Variants in KCNH3 observed in about 807,000 individuals in gnomAD.
KCNH3 encodes potassium voltage-gated channel subfamily H member 3, also known as voltage-gated inwardly rectifying potassium channel KCNH3.
Under a neutral mutation model 95.6 loss-of-function variants are expected in KCNH3, and 36 were observed. That is an observed-to-expected ratio of 0.38 (90% confidence interval 0.29 to 0.50). The LOEUF (loss-of-function observed/expected upper bound fraction) is 0.50. Ranked by LOEUF, KCNH3 falls within the 20% of genes least tolerant of loss-of-function variation. KCNH3 has a pLI of 0.95. For missense variants in KCNH3, 1,030 were observed against 1,484.1 expected (o/e 0.69, Z 5.03); for synonymous variants, 620 against 646.3 (o/e 0.96, Z 0.62).
At chr12:49,553,948 G>A (rs1938345820) in intron 10 of KCNH3, among the ~76,000 whole-genome samples, 1 of 152,202 alleles carries the variant, frequency 6.6e-6, no homozygotes, top group East Asian at 1.9e-4. Context: ...ATACTGTGAC[G>A]CTGTAGGTAG....
At position 49,555,790 on chromosome 12, in the gene KCNH3, CCCACGTCGAACA is replaced by C. The variant is rs757827381; in HGVS notation, c.2308_2319del (p.Pro770_Thr773del). 6.2e-7 allele frequency: 1 copy of C among 1,613,718 alleles called. No homozygotes were observed. The highest frequency in any genetic ancestry group is 1.7e-5 in the Admixed American group (1 of 59,992). ...CATCCTCAGCTGCCAAGCTGCTATCCCCACGTCGAACAGCACCCCGGCCTCGTCTAGGTGGCA... is the reference window on the plus strand; with the variant it reads ...CATCCTCAGCTGCCAAGCTGCTATCCGCACCCCGGCCTCGTCTAGGTGGCA... On this transcript the variant is annotated inframe_deletion, in exon 12 of 15. Coordinates refer to ENST00000257981, the MANE Select transcript of KCNH3 (RefSeq NM_012284.3).
intron 9 of KCNH3, 27 bp from the exon 10 acceptor site, chr12:49,550,053 C>T (rs1265470153): frequency 2.6e-6 from 4 of 1,527,694 alleles, no homozygotes; most frequent in East Asian, 2.3e-5. Flanking sequence ...TCCCAACCCC[C>T]CCACCCCCGC....
intron 5 of KCNH3, 46 bp downstream of exon 5, chr12:49,543,564 G>A: frequency 6.4e-7 from 1 of 1,572,644 alleles, no homozygotes; most frequent in Non-Finnish European, 8.6e-7. Flanking sequence ...CTGGCGCCCT[G>A]GGGCTTTGCT....
chr12:49,541,517 G>A, intron 2 of KCNH3, 113 bp from the exon 3 acceptor site: 1 of 1,301,408 alleles, frequency 7.7e-7, no homozygotes, highest in Non-Finnish European at 1.1e-6. Context: ...CTTCCCCCAG[G>A]AAACCGCTAG....
chr12:49,547,518 C>T (rs1938100254), intron 7 of KCNH3, among the ~76,000 whole-genome samples: 1 of 152,242 alleles, frequency 6.6e-6, no homozygotes, highest in Admixed American at 6.5e-5. Context: ...TGGTTCGAGC[C>T]CCCCTCCCTT....
Position 49,557,442 on chromosome 12 carries a change from G to A in KCNH3, c.2741G>A (p.Arg914Lys), listed in dbSNP as rs761142096. 8 of 1,609,052 alleles carry A rather than the reference G, an allele frequency of 5.0e-6. No individual in the cohort carries two copies. In the South Asian group the frequency reaches 7.7e-5, roughly 16 times the overall value. ...QAVQLVLAPH[R>K]EGPCPRASGE... ...GTGCAGCTTGTCCTGGCGCCCCACAGGGAGGGTCCGTGCCCTCGGGCATCG... is the reference window on the plus strand; with the variant it reads ...GTGCAGCTTGTCCTGGCGCCCCACAAGGAGGGTCCGTGCCCTCGGGCATCG... The change falls in exon 15 of 15, where the codon AGG (arginine) becomes AAG (lysine). Residue 914 changes from arginine to lysine, a missense_variant. Coordinates refer to ENST00000257981, the MANE Select transcript of KCNH3 (RefSeq NM_012284.3).
At chr12:49,547,811 C>T (rs1938110857) in intron 7 of KCNH3, among the ~76,000 whole-genome samples, 1 of 152,108 alleles carries the variant, frequency 6.6e-6, no homozygotes, top group Non-Finnish European at 1.5e-5. Context: ...CAAGCCACAG[C>T]CACACATACC....
rs949999334 is a variant in KCNH3, at chr12:49,539,382, C to T, written c.-35C>T. 2 of 1,473,032 alleles carry T rather than the reference C, an allele frequency of 1.4e-6. No homozygotes were observed. Among genetic ancestry groups the T allele is most frequent in the Non-Finnish European group, 1.8e-6 (2 of 1,113,360 alleles). 91.2% of individuals were successfully genotyped at this position (1,473,032 alleles called of 1,614,324 possible). A position where few individuals can be genotyped will look rare whatever the true frequency, so the allele number is the denominator to read the frequency against. ...CCCCCGGCGCGGAGTCCCCGCACCC[C>T]GGAGGGATGGGGCGGGCAGCCGCGG... On this transcript the variant is annotated 5_prime_UTR_variant, in exon 1 of 15. Coordinates refer to ENST00000257981, the MANE Select transcript of KCNH3 (RefSeq NM_012284.3). This position sits in a 1 kb window ranked among gnomAD's most constrained non-coding sequence, Gnocchi z 6.7.
Position 49,550,127 on chromosome 12 carries a change from C to T in KCNH3, c.1716C>T (p.His572=), listed in dbSNP as rs143201162. The change falls in exon 10 of 15, where the codon CAC becomes CAT. Residue 572 remains histidine (H), a synonymous_variant. Transcript: ENST00000257981. ...PDELRADIAM[H]LHKEVLQLPL... is the part of the protein sequence containing the mutation. ...AGCTGCGCGCAGACATCGCCATGCA[C>T]CTGCACAAGGAGGTCCTGCAGCTGC... The T allele has an allele frequency of 1.2e-4, 198 of 1,607,478 alleles. No homozygotes were observed. The highest frequency in any genetic ancestry group is 1.5e-4 in the Non-Finnish European group (179 of 1,178,540).
chr12:49,549,744 CCT>C, intron 9 of KCNH3, 104 bp downstream of exon 9: 2 of 1,091,496 alleles, frequency 1.8e-6, no homozygotes, highest in Admixed American at 4.2e-5. Context: ...AATTTTGGCC[CCT>C]GTGCCTCCCT....
intron 10 of KCNH3, 130 bp from the exon 11 acceptor site, chr12:49,554,207 G>T: frequency 1.4e-6 from 1 of 735,548 alleles, no homozygotes; most frequent in Admixed American, 2.1e-5. Context: ...TCCTCTCTCT[G>T]CTGGCTTCAA....
At chr12:49,542,941 C>A in intron 4 of KCNH3, 102 bp downstream of exon 4, 1 of 1,401,848 alleles carries the variant, frequency 7.1e-7, no homozygotes, top group South Asian at 1.4e-5. Context: ...AGGGGCCACC[C>A]AGGCCTTGCC....
At chr12:49,556,616 G>C (rs1307639667) in intron 13 of KCNH3, 140 bp downstream of exon 13, 1 of 726,520 alleles carries the variant, frequency 1.4e-6, no homozygotes, top group Non-Finnish European at 2.5e-6. Context: ...CTACCCCTTG[G>C]TGTCGTGCGG....
At position 49,555,600 on chromosome 12, in the gene KCNH3, C is replaced by T. The variant is rs1053317581; in HGVS notation, c.2137-20C>T. ...AATAGTGACCATCCATGCCGATTCC[C>T]TGTCCCTCACTATCCCTAGGTGGAC... On this transcript the variant is annotated intron_variant, in intron 11 of 14. Transcript: ENST00000257981. 6 of 1,479,012 alleles carry T rather than the reference C, an allele frequency of 4.1e-6. No homozygotes were observed. Among genetic ancestry groups the T allele is most frequent in the Non-Finnish European group, 5.5e-6 (6 of 1,096,706 alleles). 91.6% of individuals were successfully genotyped at this position (1,479,012 alleles called of 1,614,324 possible).
intron 12 of KCNH3, 184 bp from the exon 13 acceptor site, chr12:49,556,186 C>T: frequency 1.6e-6 from 1 of 611,168 alleles, no homozygotes; most frequent in Non-Finnish European, 2.9e-6. Flanking sequence ...GCTGCTCAAG[C>T]TTGGCCCCCC....
intron 7 of KCNH3, among the ~76,000 whole-genome samples, chr12:49,546,763 G>C (rs758924366): frequency 6.6e-6 from 1 of 152,206 alleles, no homozygotes; most frequent in African/African-American, 2.4e-5. Context: ...TGAAAGATCA[G>C]AGGCCTCCCT....
rs750509815 is a variant in KCNH3 at position 49,543,360 on chromosome 12, C to T, written c.665C>T (p.Ala222Val). 7 of 1,613,360 alleles carry T rather than the reference C, an allele frequency of 4.3e-6. No homozygotes were observed. The East Asian group carries it at 6.7e-5, about 15-fold the overall frequency. The change falls in exon 5 of 15, where the codon GCA (alanine) becomes GTA (valine). Residue 222 changes from alanine to valine, a missense_variant. Physicochemically the swap from Ala to Val is moderately conservative, Grantham distance 64. Transcript: ENST00000257981. ...CCCTTCATCCTGTTGCACTGTGGGG[C>T]ACTGAGAGCCACCTGGGATGGCTTC... ...KSPFILLHCG[A>V]LRATWDGFIL...
rs1555197030 is a variant in KCNH3, at chr12:49,549,020, G to GGGCT, written c.1318_1321dup (p.Glu441AlafsTer124). On this transcript the variant is annotated frameshift_variant, in exon 8 of 15. Transcript: ENST00000257981. LOFTEE classifies it high-confidence loss of function. ...CAGCAGCAGCGAGGCCAACGGGACG[G>GGGCT]GGCTGGAGCTGCTGGGCGGCCCGTC... 6.2e-7 allele frequency: 1 copy of GGGCT among 1,611,952 alleles called. No individual in the cohort carries two copies. The highest frequency in any genetic ancestry group is 8.5e-7 in the Non-Finnish European group (1 of 1,179,608).
rs893635696 is a variant in KCNH3 at position 49,558,255 on chromosome 12, C to G, written c.*302C>G. 1 of 395,858 alleles carries G rather than the reference C, an allele frequency of 2.5e-6. No individual in the cohort carries two copies. Among genetic ancestry groups the G allele is most frequent in the African/African-American group, 2.1e-5 (1 of 48,384 alleles). 24.5% of individuals were successfully genotyped at this position (395,858 alleles called of 1,614,324 possible). On this transcript the variant is annotated 3_prime_UTR_variant, in exon 15 of 15. Transcript: ENST00000257981. The stretch of plus-strand genomic sequence containing the variant: ...TCCCCTGCATGTGCCCCTGCCTCTA[C>G]CTGTCCCCAAATTTTTATATTAAAA...
Sources: gnomAD v4.1 joint callset for allele counts (sites outside exome capture counted in the v4.1 genomes callset) on GRCh38, gnomAD v4.1.1 for gene constraint, Gnocchi (gnomAD v3.1) non-coding constraint, MANE v1.5 for transcripts, NCBI Gene and HGNC (gene_info 2026-07-23, HGNC 2026-07-21) for gene names.